Variants in ZNF737 observed in about 807,000 individuals in gnomAD.
ZNF737 encodes the protein zinc finger protein 102 (Y3).
A neutral mutation model predicts 11.7 loss-of-function variants in ZNF737; 13 were observed. That is an observed-to-expected ratio of 1.11 (90% CI 0.73 to 1.77). The LOEUF is 1.77. Among genes scored for constraint, ZNF737 ranks in the 40% most tolerant of loss-of-function variants. ZNF737 has a pLI of 0.00. For synonymous variants in ZNF737, 217 were observed against 216.2 expected, an observed-to-expected ratio of 1.00 and a Z score of -0.03; for missense variants, 636 against 638.0, an observed-to-expected ratio of 1.00 and a Z score of 0.03.
At position 20,542,560 on chromosome 19, in the gene ZNF737, A is replaced by T; in HGVS notation, c.*2032T>A. 1.0e-6 allele frequency: 1 copy of T among 982,278 alleles called. No individual in the cohort carries two copies. Among genetic ancestry groups the T allele is most frequent in the African/African-American group, 1.7e-5 (1 of 57,218 alleles). The allele number at this position is 982,278 out of a possible 1,614,324, so 60.8% of individuals were successfully genotyped here. On this transcript the variant is annotated 3_prime_UTR_variant, in exon 4 of 4. Coordinates refer to ENST00000427401, the MANE Select transcript of ZNF737 (RefSeq NM_001159293.2). ...ACAGTTTTAAAATGCACTGCATTTT[A>T]TTACATAAAAGTACAAGTAGTAAAG...
chr19:20,545,477 T>C lies in ZNF737; in HGVS notation c.726A>G (p.Ser242=). Residue 242 remains serine, a synonymous_variant, in exon 4 of 4, where the codon TCA becomes TCG. Transcript: ENST00000427401. ...GAATTATCTTATGTGCAGTAAGGTA[T>C]GAAAACCGGCTAAAGGCTTTGCCAC... ...EDCGKAFSRF[S]YLTAHKIIHS... The C allele has an allele frequency of 1.2e-5, 19 of 1,613,444 alleles. No homozygotes were observed. Among genetic ancestry groups the C allele is most frequent in the Non-Finnish European group, 1.5e-5 (18 of 1,179,828 alleles).
chr19:20,556,152 C>G (rs1968881792), intron 1 of ZNF737, among the ~76,000 whole-genome samples: 1 of 152,118 alleles, frequency 6.6e-6, no homozygotes, highest in Non-Finnish European at 1.5e-5. Context: ...CTGACCTGTC[C>G]CTACCAAACC....
downstream of ZNF737, among the ~76,000 whole-genome samples, chr19:20,534,453 A>ATATCTATCTATCTATC (rs59237794): frequency 1.3e-3 from 181 of 144,728 alleles, 10 homozygotes; most frequent in Middle Eastern, 3.8e-3. Flanking sequence ...AAAAGAAAAA[A>ATATCTATCTATCTATC]TATCTATCTA....
At chr19:20,531,319 A>G (rs1967823225), downstream of ZNF737, among the ~76,000 whole-genome samples, 1 of 148,778 alleles carries the variant, frequency 6.7e-6, no homozygotes. Flanking sequence ...CTCCAACACT[A>G]TGACTAAGTA....
Position 20,541,294 on chromosome 19 carries a change from C to A in ZNF737, c.*3298G>T, listed in dbSNP as rs73010529. 53,991 of 983,586 alleles carry A rather than the reference C, an allele frequency of 0.055. 1,640 individuals are homozygous for A. The highest frequency in any genetic ancestry group is 0.13 in the Middle Eastern group (246 of 1,906). 60.9% of individuals were successfully genotyped at this position (983,586 alleles called of 1,614,324 possible). A position where few individuals can be genotyped will look rare whatever the true frequency, so the allele number is the denominator to read the frequency against. On this transcript the variant is annotated 3_prime_UTR_variant, in exon 4 of 4. Coordinates refer to ENST00000427401, the MANE Select transcript of ZNF737 (RefSeq NM_001159293.2). ...ACACTCAATTCATAATTTTCTTACACCTCAGGTTTATCTTCAGAGTAATAT... is the reference window on the plus strand; with the variant it reads ...ACACTCAATTCATAATTTTCTTACAACTCAGGTTTATCTTCAGAGTAATAT...
In ZNF737 at chr19:20,538,969, ATG is replaced by A; in HGVS notation, c.*5621_*5622del. On this transcript the variant is annotated 3_prime_UTR_variant, in exon 4 of 4. Transcript: ENST00000427401. ...TGTTAAAGCAAATCAGAGAAGAGCA[ATG>A]TGTGTACATAATGTGCATTTTCCTG... The A allele has an allele frequency of 1.0e-6, 1 of 985,382 alleles. No homozygotes were observed. 61.0% of individuals were successfully genotyped at this position (985,382 alleles called of 1,614,324 possible). A position where few individuals can be genotyped will look rare whatever the true frequency, so the allele number is the denominator to read the frequency against.
chr19:20,531,229 A>G (rs1358315602), downstream of ZNF737, among the ~76,000 whole-genome samples: 4 of 37,326 alleles, frequency 1.1e-4, no homozygotes, highest in African/African-American at 4.7e-4. Flanking sequence ...AAAGGGGAGG[A>G]GAGAGGGGAG....
At chr19:20,537,719 G>C (rs1968034262), downstream of ZNF737, among the ~76,000 whole-genome samples, 1 of 151,442 alleles carries the variant, frequency 6.6e-6, no homozygotes, top group African/African-American at 2.4e-5. Context: ...GTTTCACCAT[G>C]TTGGCCAGGC....
chr19:20,563,492 T>G (rs1969181889), intron 1 of ZNF737, among the ~76,000 whole-genome samples: 1 of 150,330 alleles, frequency 6.7e-6, no homozygotes, highest in Non-Finnish European at 1.5e-5. Context: ...CTTACTTTTT[T>G]TTTTTTTTTT....
At chr19:20,551,166 C>T (rs7246518) in intron 3 of ZNF737, 61,705 of 152,048 alleles carry the variant, frequency 0.41, 12,725 homozygotes, top group Admixed American at 0.48. Flanking sequence ...TGCCTCATGC[C>T]TGTAATTCCA....
chr19:20,545,067 T>G lies in ZNF737; in HGVS notation c.1136A>C (p.Asn379Thr). Residue 379 changes from asparagine to threonine, a missense_variant, in exon 4 of 4, where the codon AAC (asparagine) becomes ACC (threonine). By Grantham distance (65) the Asn-to-Thr change is moderately conservative (BLOSUM62 0). Transcript: ENST00000427401. ...ATGTGTAGTAAGGTGTGAGGACCAG[T>G]TGAAGGCTTTGCCACATTCTTCACA... The part of the protein sequence containing the change: ...YKCEECGKAF[N>T]WSSHLTTHKR... 3.1e-6 allele frequency: 5 copies of G among 1,612,696 alleles called. No individual in the cohort carries two copies. Among genetic ancestry groups the G allele is most frequent in the Non-Finnish European group, 4.2e-6 (5 of 1,179,196 alleles).
downstream of ZNF737, among the ~76,000 whole-genome samples, chr19:20,531,481 G>A (rs948392064): frequency 6.7e-5 from 10 of 149,116 alleles, no homozygotes; most frequent in Non-Finnish European, 1.2e-4. Flanking sequence ...GTTTTGAATC[G>A]AGTCTTGCCC....
rs1968079552 is a variant in ZNF737 at position 20,538,794 on chromosome 19, G to A, written c.*5798C>T. The A allele has an allele frequency of 1.0e-6, 1 of 985,354 alleles. No homozygotes were observed. The highest frequency in any genetic ancestry group is 1.7e-5 in the African/African-American group (1 of 57,352). The allele number at this position is 985,354 out of a possible 1,614,324, so 61.0% of individuals were successfully genotyped here. ...ATTTAATTGGGCTGTTATTTGCATA[G>A]CTAGATAATTACCAACTTTAGTCAT... On this transcript the variant is annotated 3_prime_UTR_variant, in exon 4 of 4. Coordinates refer to ENST00000427401, the MANE Select transcript of ZNF737 (RefSeq NM_001159293.2).
At position 20,538,013 on chromosome 19, in the gene ZNF737, A is replaced by T. The variant is rs1304991002; in HGVS notation, c.*6579T>A. The T allele has an allele frequency of 3.1e-6, 3 of 960,852 alleles. No individual in the cohort carries two copies. The African/African-American group carries it at 5.3e-5, about 17-fold the overall frequency. 59.5% of individuals were successfully genotyped at this position (960,852 alleles called of 1,614,324 possible). A position where few individuals can be genotyped will look rare whatever the true frequency, so the allele number is the denominator to read the frequency against. On this transcript the variant is annotated 3_prime_UTR_variant, in exon 4 of 4. Coordinates refer to ENST00000427401, the MANE Select transcript of ZNF737 (RefSeq NM_001159293.2). ...AGAGTAAGATTTATAACATTTTATT[A>T]TCATATGGAAGAAGTGTATTAACCA...
rs888329159 is a variant in ZNF737, at chr19:20,538,578, C to T, written c.*6014G>A. On this transcript the variant is annotated 3_prime_UTR_variant, in exon 4 of 4. Coordinates refer to ENST00000427401, the MANE Select transcript of ZNF737 (RefSeq NM_001159293.2). ...TCTGCAAAAAGTAAAAATGGCCTTG[C>T]TAAGAAAAATTAAATTTATTTTCAA... 4 of 939,230 alleles carry T rather than the reference C, an allele frequency of 4.3e-6. No homozygotes were observed. In the African/African-American group the frequency reaches 7.1e-5, roughly 17 times the overall value. 58.2% of individuals were successfully genotyped at this position (939,230 alleles called of 1,614,324 possible).
intron 1 of ZNF737, among the ~76,000 whole-genome samples, chr19:20,556,790 A>G (rs972923562): frequency 6.6e-6 from 1 of 152,240 alleles, no homozygotes; most frequent in Admixed American, 6.5e-5. Flanking sequence ...TTAAAAAACA[A>G]CATGTACACA....
In ZNF737 at chr19:20,542,016, G is replaced by T. The variant is rs969751327; in HGVS notation, c.*2576C>A. 2 of 983,866 alleles carry T rather than the reference G, an allele frequency of 2.0e-6. No homozygotes were observed. Among genetic ancestry groups the T allele is most frequent in the Non-Finnish European group, 2.4e-6 (2 of 828,730 alleles). 60.9% of individuals were successfully genotyped at this position (983,866 alleles called of 1,614,324 possible). ...TAAAGAGTCAAAATTTAATCTATGG[G>T]AACAATATTTAACTCATTTGCAGTT... On this transcript the variant is annotated 3_prime_UTR_variant, in exon 4 of 4. Coordinates refer to ENST00000427401, the MANE Select transcript of ZNF737 (RefSeq NM_001159293.2).
chr19:20,560,883 CAA>C (rs1340186265), intron 1 of ZNF737, among the ~76,000 whole-genome samples: 1 of 152,068 alleles, frequency 6.6e-6, no homozygotes, highest in African/African-American at 2.4e-5. Context: ...CACACAAACA[CAA>C]AGAGGAGAAC....
At chr19:20,531,392 C>T (rs974705921), downstream of ZNF737, among the ~76,000 whole-genome samples, 61 of 149,758 alleles carry the variant, frequency 4.1e-4, 5 homozygotes, top group African/African-American at 1.3e-3. Flanking sequence ...AACATTTATG[C>T]GGATTTCCAT....
Sources: allele counts gnomAD v4.1 joint callset (sites outside exome capture counted in the v4.1 genomes callset), GRCh38; gene constraint gnomAD v4.1.1; transcripts MANE v1.5; gene names NCBI Gene and HGNC (gene_info 2026-07-23, HGNC 2026-07-21).